The following AGAP1 variants were observed in gnomAD, a reference collection of about 807,000 sequenced individuals.
AGAP1 encodes arf-GAP with GTPase, ANK repeat and PH domain-containing protein 1.
AGAP1 carries 29 observed loss-of-function variants against 105.3 expected under a neutral mutation model. The ratio of observed to expected loss-of-function variants is 0.28; its 90% CI spans 0.21 to 0.38. The LOEUF (loss-of-function observed/expected upper bound fraction) is 0.38, where lower values mean the gene tolerates loss of function less well. Among genes scored for constraint, AGAP1 ranks in the 10% least tolerant of loss-of-function variants. The pLI, the probability that AGAP1 is intolerant of heterozygous loss-of-function variation, is 1.00. For missense variants in AGAP1, 998 were observed against 1,165.1 expected, an observed-to-expected ratio of 0.86 and a Z score of 2.09; for synonymous variants, 509 against 485.9, an observed-to-expected ratio of 1.05 and a Z score of -0.63.
chr2:235,873,877 A>AC (rs1429695006), intron 9 of AGAP1, among the ~76,000 whole-genome samples: 4 of 151,656 alleles, frequency 2.6e-5, no homozygotes, highest in Admixed American at 1.3e-4. Flanking sequence ...ACAGGTGCAC[A>AC]CCCCCACACC....
At chr2:236,085,211 G>A (rs1400265385) in intron 16 of AGAP1, among the ~76,000 whole-genome samples, 28 of 104,792 alleles carry the variant, frequency 2.7e-4, no homozygotes, top group African/African-American at 8.7e-4. Flanking sequence ...ACGAGACTCC[G>A]TCTCAAAAAA....
chr2:235,652,339 CT>C (rs1164312322), intron 1 of AGAP1, among the ~76,000 whole-genome samples: 1 of 152,082 alleles, frequency 6.6e-6, no homozygotes, highest in African/African-American at 2.4e-5. Flanking sequence ...CAGACCCCCC[CT>C]ACCCCCCAGG....
In AGAP1 at chr2:236,128,079, C is replaced by CG. The variant is rs2060030303; in HGVS notation, c.*3957_*3958insG. On this transcript the variant is annotated 3_prime_UTR_variant, in exon 18 of 18. Coordinates refer to ENST00000304032, the MANE Select transcript of AGAP1 (RefSeq NM_001037131.3). This position sits in a 1 kb window ranked among gnomAD's most constrained non-coding sequence, Gnocchi z 5.9. ...CTGTGATGGGCACGTTTGCCAACCCCCCCCCCCCAGTAGAGCCCAGGACCC... is the reference window on the plus strand; with the variant it reads ...CTGTGATGGGCACGTTTGCCAACCCCGCCCCCCCCAGTAGAGCCCAGGACCC... 1 of 151,284 alleles carries CG rather than the reference C, an allele frequency of 6.6e-6. No individual in the cohort carries two copies. Among genetic ancestry groups the CG allele is most frequent in the South Asian group, 2.1e-4 (1 of 4,768 alleles). 9.4% of individuals were successfully genotyped at this position (151,284 alleles called of 1,614,324 possible).
intron 1 of AGAP1, among the ~76,000 whole-genome samples, chr2:235,511,186 G>A (rs527534132): frequency 1.3e-3 from 193 of 152,158 alleles, no homozygotes; most frequent in African/African-American, 4.3e-3. Flanking sequence ...TCGTCATCCC[G>A]AGACTGAGAG....
At position 236,041,603 on chromosome 2, in the gene AGAP1, A is replaced by G. The variant is rs190415922; in HGVS notation, c.1891+762A>G. Among the ~76,000 whole-genome samples, 338 of 152,364 alleles carry G rather than the reference A, an allele frequency of 2.2e-3. 1 individual carries two copies. The highest frequency in any genetic ancestry group is 7.8e-3 in the African/African-American group (324 of 41,588). ...ATGGTTGCAGTCCCAGCCCAGAGAC[A>G]GTATTGGAGACATTCAGTAAATTTC... On this transcript the variant is annotated intron_variant, in intron 15 of 17. Transcript: ENST00000304032.
Position 235,874,253 on chromosome 2 carries a change from G to A in AGAP1, c.1051-9092G>A, listed in dbSNP as rs983463816. The stretch of plus-strand genomic sequence containing the variant: ...TTTACTAGAGACGGGGTTTCACCAT[G>A]TTTACCGGGATGGTCTCGATCTCCT... On this transcript the variant is annotated intron_variant, in intron 9 of 17. Coordinates refer to ENST00000304032, the MANE Select transcript of AGAP1 (RefSeq NM_001037131.3). The surrounding 1 kb of genome is among the most constrained non-coding windows in gnomAD (Gnocchi z 4.5). Among the ~76,000 whole-genome samples, 5 of 151,738 alleles carry A rather than the reference G, an allele frequency of 3.3e-5. No homozygotes were observed. Among genetic ancestry groups the A allele is most frequent in the Non-Finnish European group, 7.4e-5 (5 of 67,976 alleles).
chr2:235,809,469 G>T (rs758987451), intron 9 of AGAP1, among the ~76,000 whole-genome samples: 2 of 152,074 alleles, frequency 1.3e-5, no homozygotes, highest in Non-Finnish European at 2.9e-5. Context: ...CCAGCAAAGT[G>T]CCCCCGTGGC....
rs1957065152 is a variant in AGAP1, at chr2:235,792,917, A to T, written c.674-4842A>T. On this transcript the variant is annotated intron_variant, in intron 6 of 17. Coordinates refer to ENST00000304032, the MANE Select transcript of AGAP1 (RefSeq NM_001037131.3). The surrounding 1 kb of genome is among the most constrained non-coding windows in gnomAD (Gnocchi z 5.3). Reference sequence around the variant, plus strand: ...TGAGGTGGTGACCGAGACATTCGCGAGGAGGTTGCCCAGGCAGAGGGCATG... The same window carrying T: ...TGAGGTGGTGACCGAGACATTCGCGTGGAGGTTGCCCAGGCAGAGGGCATG... 6.6e-6 allele frequency among the ~76,000 whole-genome samples: 1 copy of T among 152,044 alleles called. No homozygotes were observed. Among genetic ancestry groups the T allele is most frequent in the South Asian group, 2.1e-4 (1 of 4,814 alleles).
Position 236,114,819 on chromosome 2 carries a change from C to T in AGAP1, c.2115-5373C>T, listed in dbSNP as rs1444303823. On this transcript the variant is annotated intron_variant, in intron 16 of 17. Transcript: ENST00000304032. The surrounding 1 kb of genome is among the most constrained non-coding windows in gnomAD (Gnocchi z 5.0). ...AGCATGTGAATTTTATGGGATACGA[C>T]TCAGCCTCTAACATCCAAGAAGCCC... 6.6e-6 allele frequency among the ~76,000 whole-genome samples: 1 copy of T among 152,200 alleles called. No individual in the cohort carries two copies. The highest frequency in any genetic ancestry group is 1.5e-5 in the Non-Finnish European group (1 of 68,038).
At chr2:235,772,111 C>T (rs918472185) in intron 6 of AGAP1, among the ~76,000 whole-genome samples, 3 of 151,402 alleles carry the variant, frequency 2.0e-5, no homozygotes, top group Admixed American at 6.6e-5. Context: ...TCTCTTGCCT[C>T]AGCCTCCCAA....
rs1481449379 is a variant in AGAP1 at position 236,123,395 on chromosome 2, C to A, written c.2371-524C>A. ...AAGAAAATGATCACAGTATAGTAAT[C>A]AATAAAAAATGAAAAAAATACAAAT... is the stretch of plus-strand genomic sequence containing the variant. On this transcript the variant is annotated intron_variant, in intron 17 of 17. Transcript: ENST00000304032. The surrounding 1 kb of genome is among the most constrained non-coding windows in gnomAD (Gnocchi z 4.6). Among the ~76,000 whole-genome samples the A allele has an allele frequency of 6.6e-6, 1 of 151,680 alleles. No individual in the cohort carries two copies.
At position 235,935,238 on chromosome 2, in the gene AGAP1, G is replaced by A. The variant is rs565827087; in HGVS notation, c.1483+4315G>A. Among the ~76,000 whole-genome samples the A allele has an allele frequency of 3.3e-5, 5 of 152,120 alleles. No individual in the cohort carries two copies. The East Asian group carries it at 7.7e-4, about 23-fold the overall frequency. On this transcript the variant is annotated intron_variant, in intron 12 of 17. Coordinates refer to ENST00000304032, the MANE Select transcript of AGAP1 (RefSeq NM_001037131.3). ...CCCTTAGAGAAAATGCAGACAGCTC[G>A]GTTGAGGGTTTCAAATTGCCGTCTG...
intron 1 of AGAP1, among the ~76,000 whole-genome samples, chr2:235,526,843 C>T (rs1049784953): frequency 6.6e-6 from 1 of 152,164 alleles, no homozygotes; most frequent in African/African-American, 2.4e-5. Flanking sequence ...CCACAGTTTT[C>T]TCTCAAATCG....
intron 5 of AGAP1, among the ~76,000 whole-genome samples, chr2:235,748,698 A>G (rs572509175): frequency 6.6e-6 from 1 of 152,362 alleles, no homozygotes; most frequent in African/African-American, 2.4e-5. Context: ...ATTCCTCAGG[A>G]CATCACTTTT....
chr2:235,630,848 A>G (rs1157977271), intron 1 of AGAP1, among the ~76,000 whole-genome samples: 2 of 152,244 alleles, frequency 1.3e-5, no homozygotes, highest in Admixed American at 6.5e-5. Context: ...TTCTCCTCCT[A>G]ATGATTTGAA....
At chr2:235,605,558 T>G (rs1476054420) in intron 1 of AGAP1, among the ~76,000 whole-genome samples, 1 of 152,224 alleles carries the variant, frequency 6.6e-6, no homozygotes, top group Admixed American at 6.5e-5. Context: ...AAGGCACGTG[T>G]GGGTCCCTAA....
At position 235,989,809 on chromosome 2, in the gene AGAP1, G is replaced by A. The variant is rs1029868602; in HGVS notation, c.1645+21186G>A. Among the ~76,000 whole-genome samples, 7 of 152,190 alleles carry A rather than the reference G, an allele frequency of 4.6e-5. No homozygotes were observed. The highest frequency in any genetic ancestry group is 1.5e-5 in the Non-Finnish European group (1 of 68,038). On this transcript the variant is annotated intron_variant, in intron 13 of 17. Coordinates refer to ENST00000304032, the MANE Select transcript of AGAP1 (RefSeq NM_001037131.3). This position sits in a 1 kb window ranked among gnomAD's most constrained non-coding sequence, Gnocchi z 4.4. The stretch of plus-strand genomic sequence containing the variant: ...ACGTGCATGGAGTGGAACGGTCACA[G>A]CAGCAGCTCACAGGGAGGGACAGCC...
intron 13 of AGAP1, among the ~76,000 whole-genome samples, chr2:236,008,715 C>T (rs569534873): frequency 1.3e-5 from 2 of 152,278 alleles, no homozygotes; most frequent in South Asian, 2.1e-4. Flanking sequence ...TGTGCACCTA[C>T]GTTAGCCCAC....
In AGAP1 at chr2:236,082,031, G is replaced by A. The variant is rs1190866921; in HGVS notation, c.2114+32750G>A. On this transcript the variant is annotated intron_variant, in intron 16 of 17. Coordinates refer to ENST00000304032, the MANE Select transcript of AGAP1 (RefSeq NM_001037131.3). The surrounding 1 kb of genome is among the most constrained non-coding windows in gnomAD (Gnocchi z 4.2). ...GCCTAGTCACTAATCCAAAAGGAAT[G>A]TGAAAAAAGAGTTGTTTTAATGTTG... 6.6e-6 allele frequency among the ~76,000 whole-genome samples: 1 copy of A among 152,154 alleles called. No individual in the cohort carries two copies. Among genetic ancestry groups the A allele is most frequent in the African/African-American group, 2.4e-5 (1 of 41,428 alleles).
Sources: gnomAD v4.1 joint callset for allele counts (sites outside exome capture counted in the v4.1 genomes callset) on GRCh38, gnomAD v4.1.1 for gene constraint, Gnocchi (gnomAD v3.1) non-coding constraint, MANE v1.5 for transcripts, NCBI Gene and HGNC (gene_info 2026-07-23, HGNC 2026-07-21) for gene names.